Variants in IL10 observed in about 807,000 individuals in gnomAD.
IL10 encodes the protein interleukin 10.
In IL10, 7 loss-of-function variants were observed where a neutral mutation model predicts 21.0. The ratio of observed to expected loss-of-function variants is 0.33; its 90% confidence interval spans 0.19 to 0.63. The LOEUF (loss-of-function observed/expected upper bound fraction) is 0.63. IL10 is among the 20% of genes least tolerant of loss of function. The probability of loss-of-function intolerance (pLI) is 0.77; values close to 1 mark genes in which losing one functional copy is unlikely to be tolerated. For synonymous variants in IL10, 83 were observed against 79.7 expected (o/e 1.04, Z -0.22); for missense variants, 161 against 213.0 (o/e 0.76, Z 1.52).
rs371608920 is a variant in IL10 at position 206,770,920 on chromosome 1, C to T, written c.365G>A (p.Arg122Lys). 1.9e-6 allele frequency: 3 copies of T among 1,614,030 alleles called. No individual in the cohort carries two copies. The highest frequency in any genetic ancestry group is 1.1e-5 in the South Asian group (1 of 91,080). Residue 122 changes from arginine (R) to lysine (K), a missense_variant, in exon 3 of 5, where the codon AGG becomes AAG. Coordinates refer to ENST00000423557, the MANE Select transcript of IL10 (RefSeq NM_000572.3). ...LGENLKTLRL[R>K]LRRCHRFLPC... ...TCTGCTACTTACACAGCGCCGTAGC[C>T]TCAGCCTGAGGGTCTTCAGGTTCTC...
intron 4 of IL10, 89 bp downstream of exon 4, chr1:206,769,740 T>C (rs1161442794): frequency 1.1e-5 from 11 of 993,060 alleles, no homozygotes; most frequent in African/African-American, 3.2e-5. Flanking sequence ...ATGGGGCCTA[T>C]TGAGTCCCCA....
rs1344327315 is a variant in IL10, at chr1:206,768,298, C to T, written c.*338G>A. ...TTGGAATGGAAGCTTCTGTTGGCTC[C>T]CCAAAGAACATTTTTTTTCCTCCCT... On this transcript the variant is annotated 3_prime_UTR_variant, in exon 5 of 5. Transcript: ENST00000423557. 6.3e-6 allele frequency: 2 copies of T among 318,410 alleles called. No individual in the cohort carries two copies. 19.7% of individuals were successfully genotyped at this position (318,410 alleles called of 1,614,324 possible).
chr1:206,771,450 T>TCCA, intron 1 of IL10, 35 bp from the exon 2 acceptor site: 1 of 1,548,248 alleles, frequency 6.5e-7, no homozygotes, highest in Non-Finnish European at 8.8e-7. Context: ...GAACTTGAGG[T>TCCA]TTGGGGAAAT....
At position 206,769,976 on chromosome 1, in the gene IL10, C is replaced by A. The variant is rs78082264; in HGVS notation, c.379-82G>T. 1.1e-3 allele frequency: 1,236 copies of A among 1,090,244 alleles called. 10 individuals carry two copies. The African/African-American group carries it at 0.018, about 16-fold the overall frequency. The allele number at this position is 1,090,244 out of a possible 1,614,324, so 67.5% of individuals were successfully genotyped here. ...CACTTAGGGGACAAGCTGGTGGCATCATGAGGAGGCCAGATTTATCCAAAT... is the reference window on the plus strand; with the variant it reads ...CACTTAGGGGACAAGCTGGTGGCATAATGAGGAGGCCAGATTTATCCAAAT... On this transcript the variant is annotated intron_variant, in intron 3 of 4. Coordinates refer to ENST00000423557, the MANE Select transcript of IL10 (RefSeq NM_000572.3).
chr1:206,769,285 A>T (rs1674752768), intron 4 of IL10, among the ~76,000 whole-genome samples: 1 of 152,194 alleles, frequency 6.6e-6, no homozygotes, highest in Admixed American at 6.5e-5. Flanking sequence ...GAAGTGTGAA[A>T]CCCCATTTCG....
intron 4 of IL10, among the ~76,000 whole-genome samples, chr1:206,769,031 A>G (rs1403384483): frequency 6.6e-6 from 1 of 152,202 alleles, no homozygotes; most frequent in African/African-American, 2.4e-5. Context: ...GCAGAGTTTG[A>G]TGAAAAGACA....
intron 1 of IL10, 91 bp downstream of exon 1, chr1:206,772,180 G>A: frequency 9.0e-7 from 1 of 1,110,536 alleles, no homozygotes; most frequent in Non-Finnish European, 1.4e-6. Context: ...TGGAGGTGGA[G>A]GCGCAGGAGG....
At chr1:206,770,171 C>T (rs752735849) in intron 3 of IL10, among the ~76,000 whole-genome samples, 5 of 152,152 alleles carry the variant, frequency 3.3e-5, no homozygotes, top group Admixed American at 6.5e-5. Context: ...CAGTGCTGAG[C>T]GAGGCATTCT....
intron 3 of IL10, chr1:206,770,485 T>C (rs866918604): frequency 1.5e-4 from 39 of 265,130 alleles, no homozygotes; most frequent in African/African-American, 7.7e-4. Flanking sequence ...TGTCAGTCAA[T>C]TGGGCCCTTC....
Position 206,772,325 on chromosome 1 carries a change from C to T in IL10, c.111G>A (p.Leu37=). ...ENSCTHFPGN[L]PNMLRDLRDA... ...CTCGGAGATCTCGAAGCATGTTAGG[C>T]AGGTTGCCTGGGAAGTGGGTGCAGC... is the stretch of plus-strand genomic sequence containing the variant. The change falls in exon 1 of 5, where the codon CTG becomes CTA. Residue 37 remains leucine (L), a synonymous_variant. Coordinates refer to ENST00000423557, the MANE Select transcript of IL10 (RefSeq NM_000572.3). 1 of 1,614,188 alleles carries T rather than the reference C, an allele frequency of 6.2e-7. No individual in the cohort carries two copies. Among genetic ancestry groups the T allele is most frequent in the Non-Finnish European group, 8.5e-7 (1 of 1,180,026 alleles).
rs760242157 is a variant in IL10, at chr1:206,772,418, C to T, written c.18G>A (p.Leu6=). 9.9e-6 allele frequency: 16 copies of T among 1,613,998 alleles called. No individual in the cohort carries two copies. The highest frequency in any genetic ancestry group is 8.9e-5 in the East Asian group (4 of 44,902). MHSSA[L]LCCLVLLTGV... The stretch of plus-strand genomic sequence containing the variant: ...CAGTCAGGAGGACCAGGCAACAGAG[C>T]AGTGCTGAGCTGTGCATGCCTTCTT... Residue 6 remains leucine (L), a synonymous_variant, in exon 1 of 5, where the codon CTG becomes CTA. Coordinates refer to ENST00000423557, the MANE Select transcript of IL10 (RefSeq NM_000572.3).
chr1:206,771,840 C>T lies in IL10; in HGVS notation c.166-425G>A, dbSNP rs541015585. On this transcript the variant is annotated intron_variant, in intron 1 of 4. Transcript: ENST00000423557. ...AGGGATTAAGAAGCTCCTTCTAATG[C>T]AGGTTTCCCTCATGTAGAGTGCTTC... Among the ~76,000 whole-genome samples the T allele has an allele frequency of 5.9e-5, 9 of 152,346 alleles. 1 individual carries two copies. In the South Asian group the frequency reaches 1.9e-3, roughly 32 times the overall value.
At chr1:206,769,778 G>A in intron 4 of IL10, 51 bp downstream of exon 4, 1 of 1,395,970 alleles carries the variant, frequency 7.2e-7, no homozygotes, top group Non-Finnish European at 1.0e-6. Flanking sequence ...GGGTTGGGGA[G>A]TGGGCATGGG....
At chr1:206,770,772 G>C in intron 3 of IL10, 135 bp downstream of exon 3, 1 of 888,878 alleles carries the variant, frequency 1.1e-6, no homozygotes, top group Non-Finnish European at 1.9e-6. Context: ...CTGACTCCAG[G>C]AGTCTTTCCT....
chr1:206,770,042 C>G (rs1674776750), intron 3 of IL10, 148 bp from the exon 4 acceptor site: 4 of 713,476 alleles, frequency 5.6e-6, no homozygotes, highest in South Asian at 1.5e-5. Flanking sequence ...AGCCCTGCTT[C>G]CATGGCCCTG....
Position 206,770,946 on chromosome 1 carries a change from C to T in IL10, c.339G>A (p.Gly113=), listed in dbSNP as rs1294316254. Reference sequence around the variant, plus strand: ...TCAGCCTGAGGGTCTTCAGGTTCTCCCCCAGGGAGTTCACATGCGCCTTGA... The same window carrying T: ...TCAGCCTGAGGGTCTTCAGGTTCTCTCCCAGGGAGTTCACATGCGCCTTGA... The part of the protein sequence containing the change: ...PDIKAHVNSL[G]ENLKTLRLRL... Residue 113 remains glycine (G), a synonymous_variant, in exon 3 of 5, where the codon GGG becomes GGA. Transcript: ENST00000423557. The T allele has an allele frequency of 6.2e-7, 1 of 1,614,146 alleles. No homozygotes were observed. Among genetic ancestry groups the T allele is most frequent in the Non-Finnish European group, 8.5e-7 (1 of 1,180,020 alleles).
In IL10 at chr1:206,768,311, T is replaced by A. The variant is rs1414860188; in HGVS notation, c.*325A>T. 6.2e-6 allele frequency: 2 copies of A among 323,032 alleles called. No homozygotes were observed. Among genetic ancestry groups the A allele is most frequent in the Non-Finnish European group, 1.2e-5 (2 of 173,244 alleles). The allele number at this position is 323,032 out of a possible 1,614,324, so 20.0% of individuals were successfully genotyped here. A position where few individuals can be genotyped will look rare whatever the true frequency, so the allele number is the denominator to read the frequency against. ...TTCTGTTGGCTCCCCAAAGAACATT[T>A]TTTTTCCTCCCTTATGTAACTTATA... On this transcript the variant is annotated 3_prime_UTR_variant, in exon 5 of 5. Transcript: ENST00000423557.
Position 206,771,778 on chromosome 1 carries a change from C to G in IL10, c.166-363G>C, listed in dbSNP as rs1469841354. Among the ~76,000 whole-genome samples the G allele has an allele frequency of 2.6e-5, 4 of 152,204 alleles. No homozygotes were observed. In the East Asian group the frequency reaches 7.7e-4, roughly 29 times the overall value. On this transcript the variant is annotated intron_variant, in intron 1 of 4. Transcript: ENST00000423557. ...GTCCTGTTCTCTGCTTTTCTTTCTC[C>G]CCACTGTAGACATCCAGTTTAGCTT...
Position 206,771,379 on chromosome 1 carries a change from C to T in IL10, c.202G>A (p.Glu68Lys), listed in dbSNP as rs1194370056. ...ACCTTAAAGTCCTCCAGCAAGGACTCCTTTAACAACAAGTTGTCCAGCTGA... is the reference window on the plus strand; with the variant it reads ...ACCTTAAAGTCCTCCAGCAAGGACTTCTTTAACAACAAGTTGTCCAGCTGA... ...KDQLDNLLLK[E>K]SLLEDFKGYL... Residue 68 changes from glutamate (E) to lysine (K), a missense_variant, in exon 2 of 5, where the codon GAG becomes AAG. Physicochemically the swap from Glu to Lys is moderately conservative, Grantham distance 56 (BLOSUM62 1). Transcript: ENST00000423557. 1 of 1,613,708 alleles carries T rather than the reference C, an allele frequency of 6.2e-7. No individual in the cohort carries two copies. The highest frequency in any genetic ancestry group is 8.5e-7 in the Non-Finnish European group (1 of 1,179,846).
Sources: allele counts gnomAD v4.1 joint callset (sites outside exome capture counted in the v4.1 genomes callset), GRCh38; gene constraint gnomAD v4.1.1; transcripts MANE v1.5; gene names NCBI Gene and HGNC (gene_info 2026-07-23, HGNC 2026-07-21).